Variants in SPAG16 observed in about 807,000 individuals in gnomAD.
The protein encoded by SPAG16 is sperm-associated antigen 16 protein.
A neutral mutation model predicts 80.4 loss-of-function variants in SPAG16; 86 were observed. That is an observed-to-expected ratio of 1.07 (90% CI 0.90 to 1.28). The LOEUF is 1.28. Among genes scored for constraint, SPAG16 ranks in the 50% most tolerant of loss-of-function variants. SPAG16 has a pLI of 0.00. For synonymous variants in SPAG16, 294 were observed against 265.9 expected, an observed-to-expected ratio of 1.11 and a Z score of -1.03; for missense variants, 870 against 765.3, an observed-to-expected ratio of 1.14 and a Z score of -1.61.
intron 3 of SPAG16, among the ~76,000 whole-genome samples, chr2:213,308,291 A>T (rs1023932657): frequency 6.6e-6 from 1 of 152,072 alleles, no homozygotes; most frequent in Non-Finnish European, 1.5e-5. Flanking sequence ...TGGCTGTACT[A>T]ATTTCATTTG....
chr2:214,137,007 C>A (rs1206139421), intron 14 of SPAG16, among the ~76,000 whole-genome samples: 1 of 152,076 alleles, frequency 6.6e-6, no homozygotes, highest in Non-Finnish European at 1.5e-5. Flanking sequence ...TTTTGCATAG[C>A]AGAATTTTAG....
Position 214,108,296 on chromosome 2 carries a change from G to A in SPAG16, c.1593+35G>A, listed in dbSNP as rs1271448238. 2.0e-6 allele frequency: 3 copies of A among 1,493,966 alleles called. No individual in the cohort carries two copies. The East Asian group carries it at 6.9e-5, about 34-fold the overall frequency. 92.5% of individuals were successfully genotyped at this position (1,493,966 alleles called of 1,614,324 possible). A position where few individuals can be genotyped will look rare whatever the true frequency, so the allele number is the denominator to read the frequency against. On this transcript the variant is annotated intron_variant, in intron 14 of 15. Coordinates refer to ENST00000331683, the MANE Select transcript of SPAG16 (RefSeq NM_024532.5). ...GTTCTCCCAGTAAACTGTTTTTAATGCTTCATATATACAAATTCATTTTTA... is the reference window on the plus strand; with the variant it reads ...GTTCTCCCAGTAAACTGTTTTTAATACTTCATATATACAAATTCATTTTTA...
chr2:214,103,555 A>G (rs2053201268), intron 13 of SPAG16, among the ~76,000 whole-genome samples: 1 of 152,202 alleles, frequency 6.6e-6, no homozygotes, highest in African/African-American at 2.4e-5. Flanking sequence ...CATGGGAAGG[A>G]TAAGGACATG....
At chr2:213,473,965 C>T (rs1365128570) in intron 9 of SPAG16, among the ~76,000 whole-genome samples, 1 of 152,156 alleles carries the variant, frequency 6.6e-6, no homozygotes, top group African/African-American at 2.4e-5. Context: ...TCTTTCCTGG[C>T]AACTGCCTCA....
chr2:213,493,610 C>T (rs2074357893), intron 10 of SPAG16, among the ~76,000 whole-genome samples: 4 of 152,126 alleles, frequency 2.6e-5, no homozygotes, highest in Admixed American at 2.0e-4. Context: ...GAGTCTCGCT[C>T]TCTTGCCCAG....
chr2:213,396,313 A>C (rs1442161434), intron 9 of SPAG16, among the ~76,000 whole-genome samples: 1 of 152,222 alleles, frequency 6.6e-6, no homozygotes, highest in East Asian at 1.9e-4. Flanking sequence ...GAATCTTTCA[A>C]TGCGTGAATG....
intron 13 of SPAG16, among the ~76,000 whole-genome samples, chr2:214,094,033 T>A (rs1324659950): frequency 6.6e-6 from 1 of 152,092 alleles, no homozygotes; most frequent in African/African-American, 2.4e-5. Context: ...TTATGAGAAA[T>A]TCAGAATCTT....
At chr2:213,788,873 G>GACA (rs34971645) in intron 10 of SPAG16, among the ~76,000 whole-genome samples, 1 of 151,666 alleles carries the variant, frequency 6.6e-6, no homozygotes, top group Admixed American at 6.6e-5. Flanking sequence ...CTTTATGAGT[G>GACA]ATTCTCAAAT....
intron 15 of SPAG16, among the ~76,000 whole-genome samples, chr2:214,291,167 G>A (rs1693762424): frequency 6.6e-6 from 1 of 151,952 alleles, no homozygotes; most frequent in South Asian, 2.1e-4. Context: ...TGTGACATAA[G>A]CATAGCTACT....
chr2:213,618,221 T>A (rs1223744623), intron 10 of SPAG16, among the ~76,000 whole-genome samples: 1 of 152,186 alleles, frequency 6.6e-6, no homozygotes, highest in Non-Finnish European at 1.5e-5. Context: ...CAAATCATAT[T>A]TCTGACTCTT....
chr2:213,391,994 T>G (rs1259202483), intron 9 of SPAG16, among the ~76,000 whole-genome samples: 1 of 152,214 alleles, frequency 6.6e-6, no homozygotes, highest in Non-Finnish European at 1.5e-5. Context: ...TACACAACTC[T>G]CAGTTTCTTT....
intron 10 of SPAG16, among the ~76,000 whole-genome samples, chr2:213,592,970 C>T (rs983878483): frequency 2.6e-5 from 4 of 152,086 alleles, no homozygotes; most frequent in Non-Finnish European, 4.4e-5. Flanking sequence ...TTAATCTCCA[C>T]TTTAGTAAAT....
At chr2:214,359,992 T>A (rs192376779) in intron 15 of SPAG16, among the ~76,000 whole-genome samples, 39 of 151,966 alleles carry the variant, frequency 2.6e-4, no homozygotes, top group African/African-American at 8.7e-4. Flanking sequence ...TGGTCTCAGA[T>A]GCTCTACTCT....
At chr2:213,547,611 G>A (rs1376012973) in intron 10 of SPAG16, among the ~76,000 whole-genome samples, 3 of 151,886 alleles carry the variant, frequency 2.0e-5, no homozygotes, top group Non-Finnish European at 4.4e-5. Context: ...AGAGTAAAGA[G>A]TATTTTTAAT....
intron 10 of SPAG16, among the ~76,000 whole-genome samples, chr2:213,577,989 A>G (rs2060184546): frequency 6.6e-6 from 1 of 152,040 alleles, no homozygotes; most frequent in South Asian, 2.1e-4. Flanking sequence ...TGCAATAACT[A>G]AAACTCTTAA....
chr2:213,776,297 G>A (rs2069570962), intron 10 of SPAG16, among the ~76,000 whole-genome samples: 1 of 152,152 alleles, frequency 6.6e-6, no homozygotes, highest in South Asian at 2.1e-4. Flanking sequence ...ATTGCAGGAG[G>A]GAGAGAGACA....
intron 10 of SPAG16, among the ~76,000 whole-genome samples, chr2:213,818,589 C>T (rs1419717438): frequency 2.0e-5 from 3 of 152,078 alleles, no homozygotes; most frequent in Admixed American, 6.6e-5. Flanking sequence ...TTCCAGTGAA[C>T]CCTCAGAGAT....
At chr2:214,232,120 G>A (rs1051664910) in intron 15 of SPAG16, among the ~76,000 whole-genome samples, 2 of 151,800 alleles carry the variant, frequency 1.3e-5, no homozygotes, top group African/African-American at 4.8e-5. Flanking sequence ...AGCTATTTTT[G>A]TTACATAAAT....
intron 10 of SPAG16, among the ~76,000 whole-genome samples, chr2:213,802,233 G>C (rs1461142184): frequency 6.6e-6 from 1 of 152,118 alleles, no homozygotes; most frequent in South Asian, 2.1e-4. Flanking sequence ...TCTCCTCTGT[G>C]GTCAGAAGAT....
Sources: gnomAD v4.1 joint callset for allele counts (sites outside exome capture counted in the v4.1 genomes callset) on GRCh38, gnomAD v4.1.1 for gene constraint, MANE v1.5 for transcripts, NCBI Gene and HGNC (gene_info 2026-07-23, HGNC 2026-07-21) for gene names.